The following PLBD1 variants were observed in gnomAD, a reference collection of about 807,000 sequenced individuals.
PLBD1 encodes phospholipase B domain containing 1.
PLBD1 carries 60 observed loss-of-function variants against 63.0 expected under a neutral mutation model. The observed-to-expected ratio is 0.95, with a 90% confidence interval of 0.77 to 1.18. The LOEUF is 1.18. PLBD1 is among the 50% of genes most tolerant of loss of function. The pLI, the probability that PLBD1 is intolerant of heterozygous loss-of-function variation, is 0.00. For synonymous variants in PLBD1, 262 were observed against 248.0 expected (o/e 1.06, Z -0.53); for missense variants, 598 against 677.9 (o/e 0.88, Z 1.31).
chr12:14,557,608 G>A (rs546526142), intron 1 of PLBD1, among the ~76,000 whole-genome samples: 2 of 152,270 alleles, frequency 1.3e-5, no homozygotes, highest in African/African-American at 4.8e-5. Context: ...GGAGCTAAAC[G>A]ATGAGACACA....
chr12:14,559,155 A>G (rs1945728440), intron 1 of PLBD1, among the ~76,000 whole-genome samples: 1 of 152,232 alleles, frequency 6.6e-6, no homozygotes, highest in Admixed American at 6.5e-5. Context: ...AAAATGTAAT[A>G]GTGAAAAGGT....
intron 8 of PLBD1, among the ~76,000 whole-genome samples, chr12:14,508,295 A>G (rs1431419716): frequency 6.6e-6 from 1 of 152,236 alleles, no homozygotes; most frequent in Non-Finnish European, 1.5e-5. Flanking sequence ...TTCATTAACT[A>G]TTCAGCATTA....
intron 6 of PLBD1, among the ~76,000 whole-genome samples, chr12:14,526,362 G>A (rs1945415659): frequency 6.6e-6 from 1 of 152,128 alleles, no homozygotes; most frequent in African/African-American, 2.4e-5. Context: ...CCGAAAGCAG[G>A]AATGCCTACA....
chr12:14,524,432 A>G (rs948512768), intron 6 of PLBD1, among the ~76,000 whole-genome samples: 5 of 152,198 alleles, frequency 3.3e-5, no homozygotes, highest in Admixed American at 1.3e-4. Context: ...ATGTACAATT[A>G]TATGTCATTT....
At position 14,503,852 on chromosome 12, in the gene PLBD1, T is replaced by TTTTG. The variant is rs1591991395; in HGVS notation, c.1578_1581dup (p.Thr528GlnfsTer14). The TTTTG allele has an allele frequency of 3.7e-6, 6 of 1,613,536 alleles. 1 individual carries two copies. In the Admixed American group the frequency reaches 5.0e-5, roughly 13 times the overall value. On this transcript the variant is annotated frameshift_variant, in exon 11 of 11. Coordinates refer to ENST00000240617, the MANE Select transcript of PLBD1 (RefSeq NM_024829.6). LOFTEE classifies it high-confidence loss of function. ...ACCTCTGGCATGCCCTGATGTAGAGTTTTGTTGAAACGGTCCCAGCGAAAA... is the reference window on the plus strand; with the variant it reads ...ACCTCTGGCATGCCCTGATGTAGAGTTTTGTTTGTTGAAACGGTCCCAGCGAAAA...
At chr12:14,533,993 A>T (rs988676055) in intron 6 of PLBD1, among the ~76,000 whole-genome samples, 13 of 152,102 alleles carry the variant, frequency 8.5e-5, no homozygotes, top group Non-Finnish European at 1.0e-4. Context: ...AACATTTTTT[A>T]AAAAATTAGT....
At chr12:14,565,584 T>A (rs753145381) in intron 1 of PLBD1, among the ~76,000 whole-genome samples, 5 of 152,204 alleles carry the variant, frequency 3.3e-5, no homozygotes, top group Non-Finnish European at 7.3e-5. Context: ...ATCCCTTTAG[T>A]GTTTACTGAA....
intron 6 of PLBD1, among the ~76,000 whole-genome samples, chr12:14,515,534 T>C (rs1945330759): frequency 6.6e-6 from 1 of 152,114 alleles, no homozygotes; most frequent in Non-Finnish European, 1.5e-5. Context: ...TGAATTTTGG[T>C]CTGTACTAAA....
chr12:14,542,263 A>G lies in PLBD1; in HGVS notation c.364T>C (p.Tyr122His), dbSNP rs1945578818. Reference sequence around the variant, plus strand: ...GAAGGTTTCGTGATCAGCTGTGGGTAGAGGTTTGTGTAGTGGTCATTCATG... The same window carrying G: ...GAAGGTTTCGTGATCAGCTGTGGGTGGAGGTTTGTGTAGTGGTCATTCATG... ...PHMNDHYTNL[Y>H]PQLITKPSIM... Residue 122 changes from tyrosine (Y) to histidine (H), a missense_variant, in exon 3 of 11, where the codon TAC becomes CAC. Transcript: ENST00000240617. 1 of 1,610,822 alleles carries G rather than the reference A, an allele frequency of 6.2e-7. No homozygotes were observed. The highest frequency in any genetic ancestry group is 2.2e-5 in the East Asian group (1 of 44,862).
At chr12:14,509,258 C>T (rs1565570463) in intron 8 of PLBD1, among the ~76,000 whole-genome samples, 1 of 152,160 alleles carries the variant, frequency 6.6e-6, no homozygotes, top group African/African-American at 2.4e-5. Flanking sequence ...TCATCATCAA[C>T]TCTTTTTAGT....
chr12:14,518,567 A>G (rs944204008), intron 6 of PLBD1, among the ~76,000 whole-genome samples: 1 of 152,184 alleles, frequency 6.6e-6, no homozygotes, highest in African/African-American at 2.4e-5. Context: ...GTGATCTCTT[A>G]GGCAGCCCCC....
At chr12:14,557,043 C>T (rs889203099) in intron 1 of PLBD1, among the ~76,000 whole-genome samples, 10 of 135,510 alleles carry the variant, frequency 7.4e-5, no homozygotes, top group Non-Finnish European at 1.6e-4. Flanking sequence ...ATAATACATA[C>T]ATGTGGCCAA....
chr12:14,550,318 C>T (rs2136929660), intron 2 of PLBD1, among the ~76,000 whole-genome samples: 1 of 152,288 alleles, frequency 6.6e-6, no homozygotes, highest in Non-Finnish European at 1.5e-5. Context: ...ATCATTTGCC[C>T]TTGGGCTGCT....
intron 1 of PLBD1, among the ~76,000 whole-genome samples, chr12:14,565,780 C>T (rs1408586536): frequency 6.6e-6 from 1 of 152,168 alleles, no homozygotes; most frequent in African/African-American, 2.4e-5. Flanking sequence ...GAGATCTCAT[C>T]TGCTGAAATA....
intron 6 of PLBD1, among the ~76,000 whole-genome samples, chr12:14,523,423 T>G (rs554551590): frequency 3.9e-5 from 6 of 152,282 alleles, no homozygotes; most frequent in Admixed American, 3.9e-4. Flanking sequence ...ATTGACAGAT[T>G]CAGTGCAATC....
rs763139518 is a variant in PLBD1 at position 14,511,676 on chromosome 12, T to G, written c.880A>C (p.Ser294Arg). Residue 294 changes from serine (S) to arginine (R), a missense_variant, in exon 7 of 11, where the codon AGC becomes CGC. By Grantham distance (110) the Ser-to-Arg change is moderately radical (BLOSUM62 -1). Transcript: ENST00000240617. The stretch of plus-strand genomic sequence containing the variant: ...GTCTGCAGCAATATCAATCCACTGC[T>G]AAGAATGTAAAAATCATCCAGAGAC... ...LESLDDFYIL[S>R]SGLILLQTTN... 6.2e-7 allele frequency: 1 copy of G among 1,614,158 alleles called. No individual in the cohort carries two copies. Among genetic ancestry groups the G allele is most frequent in the Non-Finnish European group, 8.5e-7 (1 of 1,180,022 alleles).
chr12:14,553,773 G>C, intron 1 of PLBD1: 1 of 314,164 alleles, frequency 3.2e-6, no homozygotes. Flanking sequence ...GGCTCAGCTA[G>C]TTGTATACCC....
At chr12:14,532,984 T>C (rs1325884370) in intron 6 of PLBD1, 2 of 152,346 alleles carry the variant, frequency 1.3e-5, no homozygotes, top group Non-Finnish European at 2.9e-5. Context: ...TACTTTGGTA[T>C]ACTTTTGACC....
intron 6 of PLBD1, among the ~76,000 whole-genome samples, chr12:14,523,894 G>A (rs1047976100): frequency 1.3e-5 from 2 of 152,066 alleles, no homozygotes; most frequent in African/African-American, 2.4e-5. Flanking sequence ...GTCAAGATAT[G>A]GAATCAACCT....
Sources: allele counts gnomAD v4.1 joint callset (sites outside exome capture counted in the v4.1 genomes callset), GRCh38; gene constraint gnomAD v4.1.1; transcripts MANE v1.5; gene names NCBI Gene and HGNC (gene_info 2026-07-23, HGNC 2026-07-21).